RNF103: variants seen among roughly 807,000 people sequenced by gnomAD.
RNF103 encodes ring finger protein 103.
A neutral mutation model predicts 66.2 loss-of-function variants in RNF103; 23 were observed. The ratio of observed to expected loss-of-function variants is 0.35; its 90% CI spans 0.25 to 0.49. The LOEUF (loss-of-function observed/expected upper bound fraction) is 0.49, where lower values mean the gene tolerates loss of function less well. Among genes scored for constraint, RNF103 ranks in the 20% least tolerant of loss-of-function variants. The probability of loss-of-function intolerance (pLI) is 0.98; values close to 1 mark genes in which losing one functional copy is unlikely to be tolerated. For missense variants in RNF103, 730 were observed against 814.7 expected, an observed-to-expected ratio of 0.90 and a Z score of 1.27; for synonymous variants, 297 against 289.9, an observed-to-expected ratio of 1.02 and a Z score of -0.25.
chr2:86,603,623 A>C lies in RNF103; in HGVS notation c.*220T>G, dbSNP rs1032981709. The C allele has an allele frequency of 1.8e-6, 1 of 549,642 alleles. No homozygotes were observed. Among genetic ancestry groups the C allele is most frequent in the Non-Finnish European group, 3.0e-6 (1 of 330,244 alleles). The allele number at this position is 549,642 out of a possible 1,614,324, so 34.0% of individuals were successfully genotyped here. A position where few individuals can be genotyped will look rare whatever the true frequency, so the allele number is the denominator to read the frequency against. On this transcript the variant is annotated 3_prime_UTR_variant, in exon 4 of 4. Transcript: ENST00000237455. ...GCTTACAAAAAAACATTAACTTCTG[A>C]ATTTCCAATGTTGTAAATAAAAAAA...
chr2:86,612,534 T>A lies in RNF103; in HGVS notation c.367-260A>T, dbSNP rs17027321. 3.5e-4 allele frequency: 98 copies of A among 280,708 alleles called. 1 individual carries two copies. The East Asian group carries it at 7.1e-3, about 20-fold the overall frequency. 17.4% of individuals were successfully genotyped at this position (280,708 alleles called of 1,614,324 possible). ...AAAGAGAGGGAGGGAGTCAAAACTG[T>A]ATTAAAAGGCTAGCCACATTCTCCA... On this transcript the variant is annotated intron_variant, in intron 2 of 3. Transcript: ENST00000237455.
chr2:86,622,767 C>T lies in RNF103; in HGVS notation c.120G>A (p.Pro40=). 6.2e-7 allele frequency: 1 copy of T among 1,614,166 alleles called. No individual in the cohort carries two copies. The highest frequency in any genetic ancestry group is 8.5e-7 in the Non-Finnish European group (1 of 1,180,016). ...TGIFATQLVD[P]VALSFKKLKT... ...TCAGCTTCTTGAAGCTCAGCGCCAC[C>T]GGATCCACCAGCTGGGTGGCAAAGA... Residue 40 remains proline (P), a synonymous_variant, in exon 1 of 4, where the codon CCG becomes CCA. Coordinates refer to ENST00000237455, the MANE Select transcript of RNF103 (RefSeq NM_005667.4).
intron 1 of RNF103, among the ~76,000 whole-genome samples, chr2:86,620,679 A>T (rs1262471679): frequency 6.6e-6 from 1 of 152,236 alleles, no homozygotes; most frequent in Non-Finnish European, 1.5e-5. Flanking sequence ...CATCAGGGAA[A>T]AGTGAACAAA....
At position 86,620,417 on chromosome 2, in the gene RNF103, G is replaced by C; in HGVS notation, c.279C>G (p.Ser93=). 6.2e-7 allele frequency: 1 copy of C among 1,604,452 alleles called. No homozygotes were observed. Among genetic ancestry groups the C allele is most frequent in the Non-Finnish European group, 8.5e-7 (1 of 1,173,042 alleles). Residue 93 remains serine, a synonymous_variant, in exon 2 of 4, where the codon TCC becomes TCG. Transcript: ENST00000237455. ...LYSALKEEEA[S]ESVSSTNFSG... is the part of the protein sequence containing the mutation. ...TGAAATTGGTACTAGAAACCGATTC[G>C]GATGCTTCTTCTTCCTTGAGAGCAG...
chr2:86,603,496 A>T lies in RNF103; in HGVS notation c.*347T>A. On this transcript the variant is annotated 3_prime_UTR_variant, in exon 4 of 4. Coordinates refer to ENST00000237455, the MANE Select transcript of RNF103 (RefSeq NM_005667.4). ...GAGGTGCTGGACAGAGATTGTAAAAAGGGAGGAAACATTTAGGATAAGAAA... is the reference window on the plus strand; with the variant it reads ...GAGGTGCTGGACAGAGATTGTAAAATGGGAGGAAACATTTAGGATAAGAAA... The T allele has an allele frequency of 4.5e-6, 1 of 224,274 alleles. No individual in the cohort carries two copies. Among genetic ancestry groups the T allele is most frequent in the Non-Finnish European group, 8.7e-6 (1 of 114,736 alleles). 13.9% of individuals were successfully genotyped at this position (224,274 alleles called of 1,614,324 possible).
In RNF103 at chr2:86,623,554, T is replaced by G; in HGVS notation, c.-668A>C. On this transcript the variant is annotated 5_prime_UTR_variant, in exon 1 of 4. Coordinates refer to ENST00000237455, the MANE Select transcript of RNF103 (RefSeq NM_005667.4). ...GAAGAGCGGCGGGCACGGCGGCGGC[T>G]CCAGGTTCGCTCGGGCCGGCTGGCG... 1 of 991,146 alleles carries G rather than the reference T, an allele frequency of 1.0e-6. No individual in the cohort carries two copies. The highest frequency in any genetic ancestry group is 4.3e-5 in the South Asian group (1 of 23,486). The allele number at this position is 991,146 out of a possible 1,614,324, so 61.4% of individuals were successfully genotyped here.
Position 86,604,565 on chromosome 2 carries a change from C to T in RNF103, c.1336G>A (p.Glu446Lys), listed in dbSNP as rs1480479138. 1.2e-6 allele frequency: 2 copies of T among 1,614,060 alleles called. No individual in the cohort carries two copies. Among genetic ancestry groups the T allele is most frequent in the African/African-American group, 1.3e-5 (1 of 74,928 alleles). The change falls in exon 4 of 4, where the codon GAA becomes AAA. Residue 446 changes from glutamate to lysine, a missense_variant. Glu to Lys is a moderately conservative substitution (Grantham distance 56, BLOSUM62 1). Around this residue, in one of 3 missense-constraint regions of RNF103, gnomAD observed 355 missense variants for 351.9 expected, o/e 1.01. Coordinates refer to ENST00000237455, the MANE Select transcript of RNF103 (RefSeq NM_005667.4). Reference sequence around the variant, plus strand: ...CATTCTAAGTTATTGGCATTGACTTCATCATTGTTGTTGTTGCGCCTTCTC... The same window carrying T: ...CATTCTAAGTTATTGGCATTGACTTTATCATTGTTGTTGTTGCGCCTTCTC... ...KKRRRNNNND[E>K]VNANNLEWLS...
At chr2:86,605,634 T>C (rs1678518802) in intron 3 of RNF103, among the ~76,000 whole-genome samples, 1 of 152,136 alleles carries the variant, frequency 6.6e-6, no homozygotes, top group Non-Finnish European at 1.5e-5. Flanking sequence ...AAAGTGTATC[T>C]TGAAAAGCCT....
At position 86,616,629 on chromosome 2, in the gene RNF103, G is replaced by A. The variant is rs999936186; in HGVS notation, c.366+3701C>T. ...AGTTTAAAATCAGCTATTAACTCTT[G>A]TCAGCCAAACAGGAAATATATTGAT... On this transcript the variant is annotated intron_variant, in intron 2 of 3. Transcript: ENST00000237455. 10 of 985,208 alleles carry A rather than the reference G, an allele frequency of 1.0e-5. No homozygotes were observed. The Admixed American group carries it at 4.3e-4, about 42-fold the overall frequency. The allele number at this position is 985,208 out of a possible 1,614,324, so 61.0% of individuals were successfully genotyped here. A position where few individuals can be genotyped will look rare whatever the true frequency, so the allele number is the denominator to read the frequency against.
chr2:86,621,017 T>C (rs1679210797), intron 1 of RNF103, among the ~76,000 whole-genome samples: 1 of 152,148 alleles, frequency 6.6e-6, no homozygotes. Context: ...ATATTATAAA[T>C]TTAGAGCTTG....
In RNF103 at chr2:86,603,504, A is replaced by C; in HGVS notation, c.*339T>G. 1 of 233,356 alleles carries C rather than the reference A, an allele frequency of 4.3e-6. No individual in the cohort carries two copies. Among genetic ancestry groups the C allele is most frequent in the Non-Finnish European group, 8.3e-6 (1 of 120,662 alleles). The allele number at this position is 233,356 out of a possible 1,614,324, so 14.5% of individuals were successfully genotyped here. On this transcript the variant is annotated 3_prime_UTR_variant, in exon 4 of 4. Coordinates refer to ENST00000237455, the MANE Select transcript of RNF103 (RefSeq NM_005667.4). ...GGACAGAGATTGTAAAAAGGGAGGA[A>C]ACATTTAGGATAAGAAACCGGCTCA...
At chr2:86,620,104 A>C (rs955534675) in intron 2 of RNF103, among the ~76,000 whole-genome samples, 5 of 152,170 alleles carry the variant, frequency 3.3e-5, no homozygotes, top group African/African-American at 1.2e-4. Context: ...CTAAACAAAA[A>C]GTTGACCCCC....
Position 86,603,870 on chromosome 2 carries a change from C to T in RNF103, c.2031G>A (p.Gln677=). ...AAGATGGGACATCATTTGACAAGGGCTGGTGTTGTGCATATGGCTGCTTTT... is the reference window on the plus strand; with the variant it reads ...AAGATGGGACATCATTTGACAAGGGTTGGTGTTGTGCATATGGCTGCTTTT... ...YKKKQPYAQH[Q]PLSNDVPS is the part of the protein sequence containing the mutation. The change falls in exon 4 of 4, where the codon CAG becomes CAA. Residue 677 remains glutamine, a synonymous_variant. Coordinates refer to ENST00000237455, the MANE Select transcript of RNF103 (RefSeq NM_005667.4). The T allele has an allele frequency of 6.2e-7, 1 of 1,613,572 alleles. No homozygotes were observed. Among genetic ancestry groups the T allele is most frequent in the African/African-American group, 1.3e-5 (1 of 75,028 alleles).
rs768929442 is a variant in RNF103 at position 86,612,207 on chromosome 2, G to C, written c.434C>G (p.Ser145Ter). The part of the protein sequence containing the change: ...IHWEKMVKKV[S>*]RFGIRTGTFN... ...TGTGCCTGTACGTATTCCAAATCTT[G>C]ACACCTTTTTAACCATTTTCTCCCA... Residue 145 changes from serine (S) to a stop codon, truncating the protein, a stop_gained, in exon 3 of 4, where the codon TCA (serine) becomes TGA (stop). Coordinates refer to ENST00000237455, the MANE Select transcript of RNF103 (RefSeq NM_005667.4). LOFTEE classifies it high-confidence loss of function. 6.2e-7 allele frequency: 1 copy of C among 1,613,638 alleles called. No individual in the cohort carries two copies.
intron 2 of RNF103, chr2:86,614,131 C>G (rs1426487562): frequency 6.6e-6 from 1 of 152,108 alleles, no homozygotes; most frequent in African/African-American, 2.4e-5. Context: ...AATAAGTGGT[C>G]TTATTGAGGC....
rs1679340007 is a variant in RNF103, at chr2:86,623,832, T to TCAGCGG, written c.-952_-947dup. The TCAGCGG allele has an allele frequency of 7.8e-7, 1 of 1,287,852 alleles. No individual in the cohort carries two copies. Among genetic ancestry groups the TCAGCGG allele is most frequent in the African/African-American group, 1.5e-5 (1 of 65,616 alleles). 79.8% of individuals were successfully genotyped at this position (1,287,852 alleles called of 1,614,324 possible). On this transcript the variant is annotated 5_prime_UTR_variant, in exon 1 of 4. Coordinates refer to ENST00000237455, the MANE Select transcript of RNF103 (RefSeq NM_005667.4). ...CGGCCGTACCCTCCACAACCGTGTATCAGCGGCGGCCGCGGCCGGAGCCGA... is the reference window on the plus strand; with the variant it reads ...CGGCCGTACCCTCCACAACCGTGTATCAGCGGCAGCGGCGGCCGCGGCCGGAGCCGA...
Position 86,604,652 on chromosome 2 carries a change from G to A in RNF103, c.1249C>T (p.Pro417Ser). Residue 417 changes from proline (P) to serine (S), a missense_variant, in exon 4 of 4, where the codon CCA becomes TCA. Pro to Ser is a moderately conservative substitution (Grantham distance 74, BLOSUM62 -1). Around this residue, in one of 3 missense-constraint regions of RNF103, gnomAD observed 355 missense variants for 351.9 expected, o/e 1.01. Transcript: ENST00000237455. ...RADWMFYSSH[P>S]ALFLSTYLGH... ...AGGTATGTACTGAGAAACAGGGCTG[G>A]GTGTGAAGAGTAAAACATCCAGTCT... The A allele has an allele frequency of 6.2e-7, 1 of 1,614,140 alleles. No homozygotes were observed. Among genetic ancestry groups the A allele is most frequent in the Non-Finnish European group, 8.5e-7 (1 of 1,180,022 alleles).
chr2:86,621,111 G>A (rs1039892633), intron 1 of RNF103, among the ~76,000 whole-genome samples: 1 of 152,096 alleles, frequency 6.6e-6, no homozygotes, highest in African/African-American at 2.4e-5. Context: ...GAGAAACCAA[G>A]TACTGCACCA....
intron 3 of RNF103, among the ~76,000 whole-genome samples, chr2:86,611,010 C>CAAA (rs36001734): frequency 1.5e-4 from 20 of 129,664 alleles, no homozygotes; most frequent in African/African-American, 4.9e-4. Context: ...TCCATCTCTA[C>CAAA]AAAAAAAAAA....
Sources: allele counts gnomAD v4.1 joint callset (sites outside exome capture counted in the v4.1 genomes callset), GRCh38; gene constraint gnomAD v4.1.1; regional missense constraint gnomAD v4.1.1; transcripts MANE v1.5; gene names NCBI Gene and HGNC (gene_info 2026-07-23, HGNC 2026-07-21).